Variants in LARGE1 observed in about 807,000 individuals in gnomAD.
LARGE1 encodes the protein xylosyl- and glucuronyltransferase LARGE1.
Under a neutral mutation model 87.6 loss-of-function variants are expected in LARGE1, and 43 were observed. The ratio of observed to expected loss-of-function variants is 0.49; its 90% CI spans 0.38 to 0.63. The LOEUF is 0.63. Ranked by LOEUF, LARGE1 falls within the 30% of genes least tolerant of loss-of-function variation. The pLI, the probability that LARGE1 is intolerant of heterozygous loss-of-function variation, is 0.00. For synonymous variants in LARGE1, 434 were observed against 394.6 expected, an observed-to-expected ratio of 1.10 and a Z score of -1.18; for missense variants, 802 against 1,000.2, an observed-to-expected ratio of 0.80 and a Z score of 2.67.
chr22:33,770,499 T>C lies in LARGE1; in HGVS notation c.-82-8941A>G, dbSNP rs138854742. ...GAGTTCAAGACCAGCCTGGGCAACA[T>C]AGAGAGACCTACCAACTCTAAAAAA... On this transcript the variant is annotated intron_variant, in intron 1 of 14. Coordinates refer to ENST00000397394, the MANE Select transcript of LARGE1 (RefSeq NM_133642.5). 5.6e-3 allele frequency among the ~76,000 whole-genome samples: 855 copies of C among 151,798 alleles called. 9 individuals are homozygous for C. Among genetic ancestry groups the C allele is most frequent in the African/African-American group, 0.019 (805 of 41,384 alleles).
At chr22:33,683,966 T>C (rs867320597) in intron 2 of LARGE1, among the ~76,000 whole-genome samples, 7 of 152,066 alleles carry the variant, frequency 4.6e-5, no homozygotes, top group Admixed American at 2.0e-4. Context: ...CCAGTGGTTG[T>C]AGTAATAGCA....
chr22:33,880,350 T>C (rs1452984658), intron 1 of LARGE1, among the ~76,000 whole-genome samples: 2 of 152,200 alleles, frequency 1.3e-5, no homozygotes, highest in African/African-American at 4.8e-5. Context: ...GAGCAAACTA[T>C]GATAGACTCT....
chr22:33,117,760 G>A, the LARGE1 span, among the ~76,000 whole-genome samples: 4 of 152,146 alleles, frequency 2.6e-5, no homozygotes, highest in Non-Finnish European at 5.9e-5. Context: ...GTTTATTTAT[G>A]AATGACTGAG....
chr22:33,404,274 T>C (rs2066022826), intron 7 of LARGE1, among the ~76,000 whole-genome samples: 1 of 152,170 alleles, frequency 6.6e-6, no homozygotes, highest in African/African-American at 2.4e-5. Context: ...TAGGCAGAAT[T>C]AGCCACAAGT....
intron 2 of LARGE1, among the ~76,000 whole-genome samples, chr22:33,700,300 G>A (rs995302344): frequency 9.2e-5 from 14 of 152,144 alleles, no homozygotes; most frequent in African/African-American, 2.7e-4. Context: ...TTTGAGAATC[G>A]ATGCTCTAGG....
At chr22:33,469,731 G>T (rs2068752384) in intron 6 of LARGE1, among the ~76,000 whole-genome samples, 1 of 151,596 alleles carries the variant, frequency 6.6e-6, no homozygotes, top group Admixed American at 6.6e-5. Flanking sequence ...GAGAGGCTAA[G>T]GCAGGGGAAT....
chr22:33,500,960 C>T (rs1273079865), intron 6 of LARGE1, among the ~76,000 whole-genome samples: 2 of 152,060 alleles, frequency 1.3e-5, no homozygotes, highest in African/African-American at 4.8e-5. Context: ...GGACAACTAT[C>T]ATTATGAGAC....
At chr22:33,892,156 T>C (rs1206338511) in intron 1 of LARGE1, among the ~76,000 whole-genome samples, 4 of 152,180 alleles carry the variant, frequency 2.6e-5, no homozygotes, top group Admixed American at 2.6e-4. Context: ...ATTTGTTGCA[T>C]AATAATGCTA....
At chr22:33,531,534 T>C (rs868564696) in intron 6 of LARGE1, among the ~76,000 whole-genome samples, 31 of 152,352 alleles carry the variant, frequency 2.0e-4, no homozygotes, top group African/African-American at 7.5e-4. Flanking sequence ...ACACTTCCTT[T>C]TGAGAAGCCT....
intron 2 of LARGE1, among the ~76,000 whole-genome samples, chr22:33,689,367 C>T (rs778549947): frequency 2.0e-5 from 3 of 152,154 alleles, no homozygotes; most frequent in Admixed American, 6.5e-5. Flanking sequence ...CCGCATTCAG[C>T]GCACTTCCAG....
chr22:33,122,929 G>T, the LARGE1 span, among the ~76,000 whole-genome samples: 9 of 152,190 alleles, frequency 5.9e-5, no homozygotes, highest in Non-Finnish European at 1.3e-4. Flanking sequence ...TGGTGGTACT[G>T]GTTGGGCTTG....
chr22:33,517,799 C>T (rs1364992325), intron 6 of LARGE1, among the ~76,000 whole-genome samples: 2 of 152,276 alleles, frequency 1.3e-5, no homozygotes, highest in East Asian at 3.9e-4. Flanking sequence ...GAATGCATGG[C>T]CTCAGTCCTG....
At position 33,383,497 on chromosome 22, in the gene LARGE1, T is replaced by C. The variant is rs1270054614; in HGVS notation, c.1005+695A>G. ...ATTGCTTGAACCCAGGAGGCGGAGG[T>C]TGCCGTGAGCCGAGACTGTACCACT... is the stretch of plus-strand genomic sequence containing the variant. On this transcript the variant is annotated intron_variant, in intron 8 of 14. Transcript: ENST00000397394. Among the ~76,000 whole-genome samples, 68 of 151,898 alleles carry C rather than the reference T, an allele frequency of 4.5e-4. 1 individual carries two copies. The highest frequency in any genetic ancestry group is 4.4e-3 in the Admixed American group (67 of 15,246).
the LARGE1 span, among the ~76,000 whole-genome samples, chr22:33,122,418 GC>G: frequency 6.7e-6 from 1 of 150,356 alleles, no homozygotes; most frequent in African/African-American, 2.5e-5. Context: ...GAGTGCAATG[GC>G]GCTATCTCGG....
At chr22:33,337,425 G>A (rs965606932) in intron 10 of LARGE1, among the ~76,000 whole-genome samples, 2 of 151,868 alleles carry the variant, frequency 1.3e-5, no homozygotes, top group Non-Finnish European at 2.9e-5. Context: ...ACTTCACCTC[G>A]TCTGGACCAA....
downstream of LARGE1, among the ~76,000 whole-genome samples, chr22:33,160,823 C>A (rs1921998567): frequency 6.6e-6 from 1 of 152,252 alleles, no homozygotes; most frequent in Non-Finnish European, 1.5e-5. Flanking sequence ...ATTTATTGCA[C>A]TTCTCTAGAT....
Position 33,634,019 on chromosome 22 carries a change from G to A in LARGE1, c.409-7693C>T, listed in dbSNP as rs138290166. ...GCTTCACTCGCCTCATCCGTAAAAC[G>A]GAGATAAAAACAGCTACCGATTGGG... On this transcript the variant is annotated intron_variant, in intron 3 of 14. Transcript: ENST00000397394. Among the ~76,000 whole-genome samples, 696 of 152,306 alleles carry A rather than the reference G, an allele frequency of 4.6e-3. 3 individuals are homozygous for A. The highest frequency in any genetic ancestry group is 5.2e-3 in the Non-Finnish European group (352 of 68,018).
chr22:33,408,174 G>A (rs968061618), intron 7 of LARGE1, among the ~76,000 whole-genome samples: 3 of 151,878 alleles, frequency 2.0e-5, no homozygotes, highest in Non-Finnish European at 2.9e-5. Context: ...TAACAAAGAC[G>A]GGGTTTTGCC....
chr22:33,884,616 G>A (rs987325464), intron 1 of LARGE1, among the ~76,000 whole-genome samples: 2 of 152,230 alleles, frequency 1.3e-5, no homozygotes, highest in Non-Finnish European at 2.9e-5. Context: ...CCATCCCGCG[G>A]AGCTGCCAGA....
Sources: gnomAD v4.1 joint callset for allele counts (sites outside exome capture counted in the v4.1 genomes callset) on GRCh38, gnomAD v4.1.1 for gene constraint, MANE v1.5 for transcripts, NCBI Gene and HGNC (gene_info 2026-07-23, HGNC 2026-07-21) for gene names.